ADRA1B: variants seen among roughly 807,000 people sequenced by gnomAD.
ADRA1B encodes the protein alpha-1B adrenergic receptor.
ADRA1B carries 17 observed loss-of-function variants against 17.9 expected under a neutral mutation model. The observed-to-expected ratio is 0.95, with a 90% CI of 0.65 to 1.42. The LOEUF is 1.42. Among genes scored for constraint, ADRA1B ranks in the 40% most tolerant of loss-of-function variants. ADRA1B has a pLI of 0.00. For synonymous variants in ADRA1B, 366 were observed against 327.6 expected (o/e 1.12, Z -1.27); for missense variants, 681 against 722.1 (o/e 0.94, Z 0.65).
At chr5:159,963,379 A>G (rs1044908348) in intron 1 of ADRA1B, among the ~76,000 whole-genome samples, 3 of 151,440 alleles carry the variant, frequency 2.0e-5, no homozygotes, top group African/African-American at 7.3e-5. Context: ...CCTCTGTCAC[A>G]GCTGCCTATA....
rs73311430 is a variant in ADRA1B at position 159,886,104 on chromosome 5, A to G, written c.-256+20898A>G. On this transcript the variant is annotated intron_variant, in intron 1 of 2. Coordinates refer to the ADRA1B transcript ENST00000641205. ...AGTTAGTATCATTCAGGGATTAAAA[A>G]CTGACATCCAGTTGTCTTTCAATGC... is the stretch of plus-strand genomic sequence containing the variant. Among the ~76,000 whole-genome samples the G allele has an allele frequency of 7.7e-3, 1,172 of 152,312 alleles. 17 individuals carry two copies. The highest frequency in any genetic ancestry group is 0.026 in the African/African-American group (1,101 of 41,556).
At chr5:159,949,550 A>G (rs1011042494) in intron 1 of ADRA1B, among the ~76,000 whole-genome samples, 10 of 152,212 alleles carry the variant, frequency 6.6e-5, no homozygotes, top group African/African-American at 2.4e-4. Flanking sequence ...CTAAAACTAA[A>G]AGCAGGACTA....
At chr5:159,931,870 T>C (rs1282625371) in intron 1 of ADRA1B, among the ~76,000 whole-genome samples, 3 of 152,236 alleles carry the variant, frequency 2.0e-5, no homozygotes, top group African/African-American at 7.2e-5. Flanking sequence ...GGTGACCTAC[T>C]TGCCTTTCAC....
intron 1 of ADRA1B, among the ~76,000 whole-genome samples, chr5:159,885,835 T>C (rs1291644697): frequency 2.0e-5 from 3 of 152,234 alleles, no homozygotes; most frequent in Non-Finnish European, 2.9e-5. Flanking sequence ...TTTGTACTTG[T>C]AACTCTACAA....
intron 1 of ADRA1B, among the ~76,000 whole-genome samples, chr5:159,922,837 A>G (rs1444887731): frequency 6.6e-6 from 1 of 152,292 alleles, no homozygotes; most frequent in Non-Finnish European, 1.5e-5. Flanking sequence ...CTTATATTTC[A>G]TAGAATTTGG....
Position 159,916,738 on chromosome 5 carries a change from G to A in ADRA1B, c.-168G>A. The A allele has an allele frequency of 1.6e-6, 1 of 638,698 alleles. No individual in the cohort carries two copies. The allele number at this position is 638,698 out of a possible 1,614,324, so 39.6% of individuals were successfully genotyped here. A position where few individuals can be genotyped will look rare whatever the true frequency, so the allele number is the denominator to read the frequency against. ...GCGAGCGAGCGACTCGGTGCAGGCA[G>A]GAGACGTGCTGCCGGGCTGGGCTGC... On this transcript the variant is annotated 5_prime_UTR_variant, in exon 1 of 2. Coordinates refer to ENST00000306675, the MANE Select transcript of ADRA1B (RefSeq NM_000679.4).
the ADRA1B span, among the ~76,000 whole-genome samples, chr5:159,988,540 T>C: frequency 6.6e-6 from 1 of 152,136 alleles, no homozygotes; most frequent in African/African-American, 2.4e-5. Flanking sequence ...CCTTCCCCTC[T>C]CCAGGAGGAG....
At chr5:159,927,539 C>T (rs1489330643) in intron 1 of ADRA1B, among the ~76,000 whole-genome samples, 17 of 152,122 alleles carry the variant, frequency 1.1e-4, no homozygotes, top group African/African-American at 3.4e-4. Context: ...CCCAGCTTTG[C>T]GAATGCTCTG....
chr5:159,889,166 C>T lies in ADRA1B; in HGVS notation c.-256+23960C>T, dbSNP rs939829838. 8.4e-4 allele frequency among the ~76,000 whole-genome samples: 128 copies of T among 152,234 alleles called. 2 individuals are homozygous for T. The highest frequency in any genetic ancestry group is 2.8e-3 in the African/African-American group (115 of 41,534). ...TGAACCTACCAAGGGAGCCTGGGGT[C>T]GGTGGTTTGCAGTGGTCCAGGACCT... is the stretch of plus-strand genomic sequence containing the variant. On this transcript the variant is annotated intron_variant, in intron 1 of 2. Transcript: ENST00000641205.
At chr5:159,904,500 G>A (rs116322520) in intron 1 of ADRA1B, among the ~76,000 whole-genome samples, 4 of 152,318 alleles carry the variant, frequency 2.6e-5, no homozygotes, top group East Asian at 3.9e-4. Context: ...CTCACAAATC[G>A]TGTGTGCTTC....
At chr5:159,915,172 G>A (rs955820295), upstream of ADRA1B, among the ~76,000 whole-genome samples, 4 of 152,026 alleles carry the variant, frequency 2.6e-5, no homozygotes, top group Non-Finnish European at 5.9e-5. Context: ...ACCTTGCCCC[G>A]GGGGAAAAGT....
At chr5:159,966,228 T>A (rs1008629133) in intron 1 of ADRA1B, among the ~76,000 whole-genome samples, 2 of 152,224 alleles carry the variant, frequency 1.3e-5, no homozygotes, top group African/African-American at 4.8e-5. Flanking sequence ...TCCAGCCCAA[T>A]CAGGGATTTA....
intron 1 of ADRA1B, among the ~76,000 whole-genome samples, chr5:159,934,986 G>A (rs1754915186): frequency 6.6e-6 from 1 of 152,152 alleles, no homozygotes. Context: ...TCAGCTGGGT[G>A]CAAAACACTA....
downstream of ADRA1B, among the ~76,000 whole-genome samples, chr5:159,976,814 A>G (rs1755980314): frequency 6.6e-6 from 1 of 152,182 alleles, no homozygotes; most frequent in African/African-American, 2.4e-5. Context: ...GGATTAGCAC[A>G]TCCTGTGTCA....
At position 159,972,561 on chromosome 5, in the gene ADRA1B, A is replaced by AG. The variant is rs1417013834; in HGVS notation, c.*75dup. On this transcript the variant is annotated 3_prime_UTR_variant, in exon 2 of 2. Transcript: ENST00000306675. ...TGGGGGGGAGGGGAGGGCGGGGCGG[A>AG]GGGGGGAGGGGAGCGTCCACGCCGG... is the stretch of plus-strand genomic sequence containing the variant. 2.9e-4 allele frequency: 3 copies of AG among 10,336 alleles called. No individual in the cohort carries two copies. Among genetic ancestry groups the AG allele is most frequent in the Non-Finnish European group, 5.6e-4 (3 of 5,396 alleles). 0.6% of individuals were successfully genotyped at this position (10,336 alleles called of 1,614,324 possible).
In ADRA1B at chr5:159,972,216, C is replaced by A. The variant is rs1338606093; in HGVS notation, c.1287C>A (p.Gly429=). The change falls in exon 2 of 2, where the codon GGC becomes GGA. Residue 429 remains glycine, a synonymous_variant. Transcript: ENST00000306675. ...TGCCCTCGGCCTCGCCGAGCCCGGG[C>A]TACCTGGGCCGCGGCGCGCCACCGC... is the stretch of plus-strand genomic sequence containing the variant. ...RTLPSASPSP[G]YLGRGAPPPV... The A allele has an allele frequency of 7.4e-7, 1 of 1,356,106 alleles. No individual in the cohort carries two copies. The highest frequency in any genetic ancestry group is 3.2e-5 in the East Asian group (1 of 31,018). The allele number at this position is 1,356,106 out of a possible 1,614,324, so 84.0% of individuals were successfully genotyped here.
At chr5:159,913,787 G>C (rs76904132), upstream of ADRA1B, among the ~76,000 whole-genome samples, 4,523 of 152,218 alleles carry the variant, frequency 0.03, 101 homozygotes, top group South Asian at 0.054. Context: ...GTTGCTGGCT[G>C]TTCAATAGCT....
chr5:159,907,347 T>C (rs1343377206), intron 1 of ADRA1B, among the ~76,000 whole-genome samples: 1 of 152,248 alleles, frequency 6.6e-6, no homozygotes. Context: ...ATATATTATT[T>C]CTGCCTACCT....
chr5:159,937,451 T>C (rs1052013770), intron 1 of ADRA1B, among the ~76,000 whole-genome samples: 2 of 151,854 alleles, frequency 1.3e-5, no homozygotes, highest in African/African-American at 4.8e-5. Flanking sequence ...TTTTTTGTTT[T>C]TTTTTTTTGA....
Sources: gnomAD v4.1 joint callset for allele counts (sites outside exome capture counted in the v4.1 genomes callset) on GRCh38, gnomAD v4.1.1 for gene constraint, MANE v1.5 for transcripts, NCBI Gene and HGNC (gene_info 2026-07-23, HGNC 2026-07-21) for gene names.